AHCTF1: variants seen among roughly 807,000 people sequenced by gnomAD.
The protein encoded by AHCTF1 is AT-hook containing transcription factor 1.
Under a neutral mutation model 248.4 loss-of-function variants are expected in AHCTF1, and 24 were observed. The observed-to-expected ratio is 0.10, with a 90% CI of 0.07 to 0.14. The LOEUF is 0.14. AHCTF1 is among the 10% of genes least tolerant of loss of function. The probability of loss-of-function intolerance (pLI) is 1.00; values close to 1 mark genes in which losing one functional copy is unlikely to be tolerated. For missense variants in AHCTF1, 2,206 were observed against 2,636.2 expected (o/e 0.84, Z 3.57); for synonymous variants, 786 against 929.8 (o/e 0.85, Z 2.81).
At chr1:246,923,200 A>C (rs1666698918) in intron 1 of AHCTF1, among the ~76,000 whole-genome samples, 1 of 151,568 alleles carries the variant, frequency 6.6e-6, no homozygotes, top group African/African-American at 2.4e-5. Flanking sequence ...AGATCACCTG[A>C]GGTCAGGAGT....
intron 7 of AHCTF1, among the ~76,000 whole-genome samples, 186 bp downstream of exon 7, chr1:246,903,763 G>C (rs768172996): frequency 1.3e-5 from 2 of 150,752 alleles, no homozygotes. Flanking sequence ...GCTTGAATCC[G>C]GGTGGCGGAG....
Position 246,916,886 on chromosome 1 carries a change from A to T in AHCTF1, c.122-491T>A, listed in dbSNP as rs57374813. Among the ~76,000 whole-genome samples the T allele has an allele frequency of 2.1e-3, 322 of 152,358 alleles. 1 individual carries two copies. The highest frequency in any genetic ancestry group is 7.3e-3 in the African/African-American group (305 of 41,582). On this transcript the variant is annotated intron_variant, in intron 2 of 35. Transcript: ENST00000648844. ...GCTTAAACGATTTAAACTAGAAGTT[A>T]TGGCAGTTATAAAATAGAACATATT...
At chr1:246,898,378 T>A in intron 11 of AHCTF1, 42 bp from the exon 12 acceptor site, 5 of 1,554,536 alleles carry the variant, frequency 3.2e-6, no homozygotes, top group Non-Finnish European at 4.4e-6. Flanking sequence ...AATGCTCAAT[T>A]TGAATAATCA....
intron 14 of AHCTF1, among the ~76,000 whole-genome samples, chr1:246,893,940 C>T (rs973098828): frequency 1.5e-4 from 23 of 152,184 alleles, no homozygotes; most frequent in Admixed American, 1.1e-3. Context: ...TAGTGGCTCA[C>T]GCCTTGTAAT....
intron 24 of AHCTF1, among the ~76,000 whole-genome samples, chr1:246,874,648 TA>T (rs1662815761): frequency 6.6e-6 from 1 of 152,152 alleles, no homozygotes; most frequent in South Asian, 2.1e-4. Context: ...AACCTCTCAA[TA>T]AAACTTGTAT....
In AHCTF1 at chr1:246,900,244, G is replaced by A. The variant is rs371835166; in HGVS notation, c.1253C>T (p.Ser418Leu). The change falls in exon 10 of 36, where the codon TCA becomes TTA. Residue 418 changes from serine to leucine, a missense_variant and splice_region_variant. Around this residue, in one of 6 missense-constraint regions of AHCTF1, gnomAD observed 650 missense variants for 870.8 expected, o/e 0.75. Coordinates refer to ENST00000648844, the MANE Select transcript of AHCTF1 (RefSeq NM_001323342.2). ...AGAGCAATTATGTAGATATTCTCCT[G>A]ACCTAAAAGAAAATTTAAAACATTA... ...YHAQMPDSLRSGEYLHNCSYF... is the reference protein window; with the variant it reads ...YHAQMPDSLRLGEYLHNCSYF... 5.7e-6 allele frequency: 9 copies of A among 1,586,250 alleles called. No individual in the cohort carries two copies. Among genetic ancestry groups the A allele is most frequent in the East Asian group, 2.2e-5 (1 of 44,598 alleles).
rs1199465751 is a variant in AHCTF1, at chr1:246,878,396, CAAAAA to C, written c.2661-1099_2661-1095del. ...TGGCAGACAGAGCAAGATTCTGTCT[CAAAAA>C]AAAAAAAAAAAAAAAAAAAAAAAAT... is the stretch of plus-strand genomic sequence containing the variant. On this transcript the variant is annotated intron_variant, in intron 21 of 35. Coordinates refer to ENST00000648844, the MANE Select transcript of AHCTF1 (RefSeq NM_001323342.2). Among the ~76,000 whole-genome samples the C allele has an allele frequency of 3.0e-3, 93 of 30,772 alleles. 1 individual carries two copies. The South Asian group carries it at 0.047, about 16-fold the overall frequency. The allele number at this position is 30,772 out of a possible 152,430, so 20.2% of individuals were successfully genotyped here.
chr1:246,858,797 C>T (rs1487325057), intron 29 of AHCTF1, among the ~76,000 whole-genome samples: 1 of 134,328 alleles, frequency 7.4e-6, no homozygotes, highest in African/African-American at 2.8e-5. Flanking sequence ...GAAACTCTGT[C>T]TCAAAAAAAA....
chr1:246,868,998 C>T (rs1470443752), intron 24 of AHCTF1, among the ~76,000 whole-genome samples: 5 of 151,242 alleles, frequency 3.3e-5, no homozygotes, highest in Admixed American at 6.6e-5. Flanking sequence ...GCGCCCGCCA[C>T]CATGCCTGGC....
chr1:246,889,312 C>T (rs542975631), intron 17 of AHCTF1, among the ~76,000 whole-genome samples: 3 of 152,088 alleles, frequency 2.0e-5, no homozygotes, highest in South Asian at 4.2e-4. Flanking sequence ...TTGTGAATAG[C>T]GGCAGCACTT....
Position 246,890,064 on chromosome 1 carries a change from A to G in AHCTF1, c.2051-5T>C, listed in dbSNP as rs117071018. ...TTGACAACTGCACAGAATCATCTAG[A>G]TTTTTAAGAGTTGGAAAAAAAGCTG... On this transcript the variant is annotated splice_region_variant and splice_polypyrimidine_tract_variant and intron_variant, in intron 16 of 35. Transcript: ENST00000648844. 5.7e-4 allele frequency: 913 copies of G among 1,602,944 alleles called. 10 individuals are homozygous for G. The East Asian group carries it at 0.019, about 33-fold the overall frequency.
chr1:246,850,894 T>G lies in AHCTF1; in HGVS notation c.5112A>C (p.Ile1704=), dbSNP rs752372720. 1.9e-6 allele frequency: 3 copies of G among 1,613,978 alleles called. No homozygotes were observed. Among genetic ancestry groups the G allele is most frequent in the Non-Finnish European group, 8.5e-7 (1 of 1,179,862 alleles). The change falls in exon 33 of 36, where the codon ATA becomes ATC. Residue 1704 remains isoleucine (I), a synonymous_variant. Coordinates refer to ENST00000648844, the MANE Select transcript of AHCTF1 (RefSeq NM_001323342.2). ...HETIPLVSQN[I]MCPTKLVKSA... ...ATTTGACCAATTTAGTGGGACACAT[T>G]ATGTTTTGGCTCACTAAAGGTATTG...
chr1:246,848,561 G>C (rs776593992), intron 33 of AHCTF1, among the ~76,000 whole-genome samples: 3 of 149,762 alleles, frequency 2.0e-5, no homozygotes, highest in Non-Finnish European at 1.5e-5. Flanking sequence ...ATATTAAACT[G>C]TAACTTAAAT....
chr1:246,898,453 T>C (rs1447432258), intron 11 of AHCTF1, 117 bp from the exon 12 acceptor site: 109 of 1,102,164 alleles, frequency 9.9e-5, no homozygotes, highest in Non-Finnish European at 2.6e-6. Context: ...GTGGAAATTA[T>C]GAAAGACTAT....
intron 34 of AHCTF1, 52 bp downstream of exon 34, chr1:246,843,743 A>ATT (rs1660043511): frequency 2.6e-6 from 3 of 1,146,598 alleles, no homozygotes; most frequent in African/African-American, 2.3e-5. Flanking sequence ...ACATTTGTAA[A>ATT]AAAAAAAAGT....
At chr1:246,923,740 C>CGTGT (rs74456165) in intron 1 of AHCTF1, among the ~76,000 whole-genome samples, 40 of 151,318 alleles carry the variant, frequency 2.6e-4, no homozygotes, top group Non-Finnish European at 4.0e-4. Flanking sequence ...TGCGTGCATG[C>CGTGT]GTGTGTGTGT....
At position 246,851,396 on chromosome 1, in the gene AHCTF1, G is replaced by A. The variant is rs373744452; in HGVS notation, c.4610C>T (p.Ala1537Val). 3.1e-6 allele frequency: 5 copies of A among 1,613,152 alleles called. No homozygotes were observed. Among genetic ancestry groups the A allele is most frequent in the Admixed American group, 1.7e-5 (1 of 59,928 alleles). The stretch of plus-strand genomic sequence containing the variant: ...TAACTCATTAAATGAAAGATTCCTA[G>A]CCTCTTCTCCTGAATCTTGAGCTTC... ...KLEAQDSGEE[A>V]RNLSFNELYP... Residue 1537 changes from alanine (A) to valine (V), a missense_variant, in exon 33 of 36, where the codon GCT (alanine) becomes GTT (valine). This residue lies in a region of AHCTF1 where 955 missense variants were observed against 1,055.6 expected (regional missense o/e 0.90). Transcript: ENST00000648844.
At chr1:246,848,665 A>G (rs1660464564) in intron 33 of AHCTF1, among the ~76,000 whole-genome samples, 1 of 151,958 alleles carries the variant, frequency 6.6e-6, no homozygotes, top group Middle Eastern at 3.4e-3. Context: ...CAGGAGTTCA[A>G]GATCAGCCTG....
intron 33 of AHCTF1, among the ~76,000 whole-genome samples, chr1:246,848,604 G>A (rs937166772): frequency 9.3e-5 from 14 of 150,464 alleles, no homozygotes; most frequent in Admixed American, 7.3e-4. Context: ...GGTGGCTCAC[G>A]CCTGTAATCC....
Sources: allele counts gnomAD v4.1 joint callset (sites outside exome capture counted in the v4.1 genomes callset), GRCh38; gene constraint gnomAD v4.1.1; regional missense constraint gnomAD v4.1.1; transcripts MANE v1.5; gene names NCBI Gene and HGNC (gene_info 2026-07-23, HGNC 2026-07-21).